ARMH4: variants seen among roughly 807,000 people sequenced by gnomAD.
The protein encoded by ARMH4 is armadillo-like helical domain-containing protein 4.
Under a neutral mutation model 61.9 loss-of-function variants are expected in ARMH4, and 49 were observed. The observed-to-expected ratio is 0.79, with a 90% confidence interval of 0.63 to 1.00. The LOEUF is 1.00. Ranked by LOEUF, ARMH4 falls within the 50% of genes least tolerant of loss-of-function variation. The pLI, the probability that ARMH4 is intolerant of heterozygous loss-of-function variation, is 0.00. For missense variants in ARMH4, 934 were observed against 930.0 expected, an observed-to-expected ratio of 1.00 and a Z score of -0.06; for synonymous variants, 368 against 341.5, an observed-to-expected ratio of 1.08 and a Z score of -0.85.
rs780134523 is a variant in ARMH4, at chr14:58,096,875, G to C, written c.1938C>G (p.Gly646=). The C allele has an allele frequency of 1.2e-6, 2 of 1,614,076 alleles. No individual in the cohort carries two copies. Among genetic ancestry groups the C allele is most frequent in the South Asian group, 2.2e-5 (2 of 91,056 alleles). ...CTGGCAGCTCAGTGTCACCATCCAA[G>C]CCCTCATCCAGCGAGTCTGCATCTT... ...EDKDADSLDE[G]LDGDTELPGF... is the part of the protein sequence containing the mutation. Residue 646 remains glycine, a synonymous_variant, in exon 5 of 8, where the codon GGC becomes GGG. Coordinates refer to ENST00000267485, the MANE Select transcript of ARMH4 (RefSeq NM_001001872.4).
At chr14:58,055,224 C>A (rs1884304560) in intron 5 of ARMH4, among the ~76,000 whole-genome samples, 1 of 152,202 alleles carries the variant, frequency 6.6e-6, no homozygotes, top group African/African-American at 2.4e-5. Flanking sequence ...CAATTTGATT[C>A]TCTATGGGGC....
At chr14:58,127,885 A>G (rs1886956655) in intron 4 of ARMH4, among the ~76,000 whole-genome samples, 1 of 152,190 alleles carries the variant, frequency 6.6e-6, no homozygotes, top group African/African-American at 2.4e-5. Flanking sequence ...ACCGTCAAAG[A>G]CTTAATCACA....
intron 5 of ARMH4, among the ~76,000 whole-genome samples, chr14:58,065,246 A>G (rs937628532): frequency 5.3e-5 from 8 of 151,738 alleles, no homozygotes; most frequent in South Asian, 4.2e-4. Flanking sequence ...ATCTTAAAAA[A>G]AGAGAGAGAG....
Position 58,152,136 on chromosome 14 carries a change from C to T in ARMH4, c.-118G>A. 1 of 161,726 alleles carries T rather than the reference C, an allele frequency of 6.2e-6. No individual in the cohort carries two copies. Among genetic ancestry groups the T allele is most frequent in the Non-Finnish European group, 1.3e-5 (1 of 75,584 alleles). The allele number at this position is 161,726 out of a possible 1,614,324, so 10.0% of individuals were successfully genotyped here. A position where few individuals can be genotyped will look rare whatever the true frequency, so the allele number is the denominator to read the frequency against. On this transcript the variant is annotated 5_prime_UTR_variant, in exon 1 of 8. The change abolishes an upstream ATG in the 5' untranslated region. Coordinates refer to ENST00000267485, the MANE Select transcript of ARMH4 (RefSeq NM_001001872.4). ...AGGCAGCGGCGGCGCGGGCGCTCGGCATCCCAGCGGCGGGCCCTGCGGCGG... is the reference window on the plus strand; with the variant it reads ...AGGCAGCGGCGGCGCGGGCGCTCGGTATCCCAGCGGCGGGCCCTGCGGCGG...
chr14:58,114,849 C>T (rs76831174), intron 4 of ARMH4, among the ~76,000 whole-genome samples: 11,316 of 152,160 alleles, frequency 0.074, 654 homozygotes, highest in Non-Finnish European at 0.12. Flanking sequence ...AGAAAGGACT[C>T]ACTATTCAAT....
chr14:58,044,047 A>C (rs1178722006), intron 5 of ARMH4, among the ~76,000 whole-genome samples: 6 of 152,208 alleles, frequency 3.9e-5, no homozygotes, highest in Non-Finnish European at 8.8e-5. Flanking sequence ...GCCCAAGGTA[A>C]TTTATAGATT....
At position 58,096,825 on chromosome 14, in the gene ARMH4, G is replaced by C. The variant is rs765998834; in HGVS notation, c.1988C>G (p.Ser663Cys). Residue 663 changes from serine to cysteine, a missense_variant, in exon 5 of 8, where the codon TCC (serine) becomes TGC (cysteine). Transcript: ENST00000267485. The stretch of plus-strand genomic sequence containing the variant: ...TCCCTCCTCTAAGCCTGGTTCCTGG[G>C]ATGTGATACCAGGGAGGGTAAAACC... ...LPGFTLPGIT[S>C]QEPGLEEGNM... The C allele has an allele frequency of 6.2e-7, 1 of 1,613,936 alleles. No individual in the cohort carries two copies. Among genetic ancestry groups the C allele is most frequent in the African/African-American group, 1.3e-5 (1 of 74,870 alleles).
In ARMH4 at chr14:58,133,148, G is replaced by A. The variant is rs755589596; in HGVS notation, c.1563C>T (p.Ala521=). 51 of 1,614,024 alleles carry A rather than the reference G, an allele frequency of 3.2e-5. No individual in the cohort carries two copies. The African/African-American group carries it at 6.3e-4, about 20-fold the overall frequency. ...GGACGACTGTAGTTGAAATTGTAGT[G>A]GCCAGAGGCTCCCATCTTCTTGACA... ...TQLSRRWEPL[A]TTISTTVVPL... The change falls in exon 3 of 8, where the codon GCC becomes GCT. Residue 521 remains alanine, a synonymous_variant. Coordinates refer to ENST00000267485, the MANE Select transcript of ARMH4 (RefSeq NM_001001872.4).
chr14:58,111,951 C>G (rs760711831), intron 4 of ARMH4, among the ~76,000 whole-genome samples: 1 of 152,150 alleles, frequency 6.6e-6, no homozygotes, highest in African/African-American at 2.4e-5. Flanking sequence ...CCTTCGCCCC[C>G]CTAAAGTTCT....
In ARMH4 at chr14:58,138,465, C is replaced by T; in HGVS notation, c.894G>A (p.Val298=). The change falls in exon 2 of 8, where the codon GTG becomes GTA. Residue 298 remains valine (V), a synonymous_variant. Transcript: ENST00000267485. The part of the protein sequence containing the change: ...DSLLGAPEVT[V]SVSTAVPAAS... Reference sequence around the variant, plus strand: ...CAGCTGGAACAGCTGTGCTGACACTCACTGTGACTTCTGGGGCTCCCAGCA... The same window carrying T: ...CAGCTGGAACAGCTGTGCTGACACTTACTGTGACTTCTGGGGCTCCCAGCA... 1 of 1,614,266 alleles carries T rather than the reference C, an allele frequency of 6.2e-7. No homozygotes were observed. The highest frequency in any genetic ancestry group is 8.5e-7 in the Non-Finnish European group (1 of 1,180,054).
chr14:58,075,893 C>T (rs937055392), intron 5 of ARMH4, among the ~76,000 whole-genome samples: 2 of 152,132 alleles, frequency 1.3e-5, no homozygotes, highest in Non-Finnish European at 2.9e-5. Flanking sequence ...GAGAAAGTTT[C>T]ACTATCTATA....
intron 5 of ARMH4, among the ~76,000 whole-genome samples, chr14:58,038,724 T>G (rs34780814): frequency 0.013 from 1,959 of 152,246 alleles, 37 homozygotes; most frequent in East Asian, 0.079. Context: ...ATAAATGACA[T>G]TTTGAGTTAT....
chr14:58,029,601 A>G (rs2141161888), intron 5 of ARMH4, among the ~76,000 whole-genome samples: 1 of 152,330 alleles, frequency 6.6e-6, no homozygotes. Context: ...GGCATGAAAA[A>G]ATGCTGAACA....
intron 5 of ARMH4, among the ~76,000 whole-genome samples, chr14:58,015,210 A>G (rs1056046805): frequency 3.9e-5 from 6 of 152,234 alleles, no homozygotes; most frequent in Admixed American, 3.3e-4. Context: ...GAAATTCTCC[A>G]CTGAAGGCAA....
chr14:58,076,373 A>C (rs1318943703), intron 5 of ARMH4, among the ~76,000 whole-genome samples: 1 of 152,200 alleles, frequency 6.6e-6, no homozygotes, highest in South Asian at 2.1e-4. Context: ...ATTTAAAGCA[A>C]TCCAACCAAT....
chr14:58,149,275 A>G (rs1887846890), intron 1 of ARMH4, among the ~76,000 whole-genome samples: 1 of 152,122 alleles, frequency 6.6e-6, no homozygotes, highest in Admixed American at 6.6e-5. Context: ...GACAATCATC[A>G]CTGGTCTGTT....
intron 5 of ARMH4, among the ~76,000 whole-genome samples, chr14:58,081,561 T>G (rs1203447893): frequency 6.6e-6 from 1 of 151,638 alleles, no homozygotes; most frequent in Non-Finnish European, 1.5e-5. Context: ...AGTGCAGTGG[T>G]GCTATCTCGG....
At chr14:58,141,500 G>C (rs192592588) in intron 1 of ARMH4, 1 of 539,806 alleles carries the variant, frequency 1.9e-6, no homozygotes, top group Non-Finnish European at 3.7e-6. Flanking sequence ...CTGCGCCTGC[G>C]AGGTGGCATT....
intron 5 of ARMH4, among the ~76,000 whole-genome samples, chr14:58,042,851 T>C (rs1358923115): frequency 6.6e-6 from 1 of 151,966 alleles, no homozygotes; most frequent in East Asian, 1.9e-4. Context: ...CTAGAAGAAA[T>C]GGATAAATTC....
Sources: allele counts gnomAD v4.1 joint callset (sites outside exome capture counted in the v4.1 genomes callset), GRCh38; gene constraint gnomAD v4.1.1; transcripts MANE v1.5; gene names NCBI Gene and HGNC (gene_info 2026-07-23, HGNC 2026-07-21).